Variants in TTK observed in about 807,000 individuals in gnomAD.
TTK encodes the protein dual specificity protein kinase TTK.
A neutral mutation model predicts 117.3 loss-of-function variants in TTK; 59 were observed. The observed-to-expected ratio is 0.50, with a 90% confidence interval of 0.41 to 0.62. The LOEUF (loss-of-function observed/expected upper bound fraction) is 0.62. Among genes scored for constraint, TTK ranks in the 20% least tolerant of loss-of-function variants. The pLI is 0.00. For missense variants in TTK, 921 were observed against 989.4 expected, an observed-to-expected ratio of 0.93 and a Z score of 0.93; for synonymous variants, 302 against 325.0, an observed-to-expected ratio of 0.93 and a Z score of 0.76.
chr6:80,024,242 A>T (rs1473614933), intron 11 of TTK, among the ~76,000 whole-genome samples: 1 of 152,226 alleles, frequency 6.6e-6, no homozygotes, highest in Non-Finnish European at 1.5e-5. Context: ...TGATCCAATA[A>T]TTCCACTCCT....
At position 80,010,844 on chromosome 6, in the gene TTK, A is replaced by C; in HGVS notation, c.500A>C (p.Gln167Pro). ...GTCAAAAAAAGTAAACAACTTCTTC[A>C]AAAAGCTGTAGAACGTGGAGCAGTA... ...GNVKKSKQLL[Q>P]KAVERGAVPL... The change falls in exon 5 of 22, where the codon CAA becomes CCA. Residue 167 changes from glutamine (Q) to proline (P), a missense_variant. By Grantham distance (76) the Gln-to-Pro change is moderately conservative. Transcript: ENST00000369798. The C allele has an allele frequency of 6.2e-7, 1 of 1,611,434 alleles. No individual in the cohort carries two copies.
intron 2 of TTK, 171 bp downstream of exon 2, chr6:80,006,153 C>G (rs1766989415): frequency 1.3e-6 from 1 of 791,512 alleles, no homozygotes. Context: ...ATCCACAGAA[C>G]TTTGAATGGT....
chr6:80,035,046 A>C lies in TTK; in HGVS notation c.1676A>C (p.Glu559Ala). Residue 559 changes from glutamate (E) to alanine (A), a missense_variant, in exon 15 of 22, where the codon GAA becomes GCA. Transcript: ENST00000369798. Reference protein sequence around the residue: ...IYAIKYVNLEEADNQTLDSYR... With the variant: ...IYAIKYVNLEAADNQTLDSYR... ...GCTATAAAATATGTGAACTTAGAAGAAGCAGATAACCAAACTCTTGATAGT... is the reference window on the plus strand; with the variant it reads ...GCTATAAAATATGTGAACTTAGAAGCAGCAGATAACCAAACTCTTGATAGT... 2 of 1,601,830 alleles carry C rather than the reference A, an allele frequency of 1.2e-6. No individual in the cohort carries two copies. Among genetic ancestry groups the C allele is most frequent in the Non-Finnish European group, 1.7e-6 (2 of 1,176,322 alleles).
chr6:80,006,917 G>A (rs1488542331), intron 2 of TTK, among the ~76,000 whole-genome samples: 1 of 152,124 alleles, frequency 6.6e-6, no homozygotes, highest in Non-Finnish European at 1.5e-5. Context: ...AGGCTTTGTT[G>A]AAAGTGACTG....
At chr6:80,036,037 C>G (rs1030679774) in intron 16 of TTK, among the ~76,000 whole-genome samples, 1 of 152,026 alleles carries the variant, frequency 6.6e-6, no homozygotes, top group Non-Finnish European at 1.5e-5. Flanking sequence ...GTGGAGATGT[C>G]AGGAGCATTA....
At chr6:80,007,499 C>A (rs532157083) in intron 2 of TTK, among the ~76,000 whole-genome samples, 92 of 152,116 alleles carry the variant, frequency 6.0e-4, no homozygotes, top group African/African-American at 2.2e-3. Context: ...TATCCTGCAA[C>A]AGCATAAAAT....
At position 80,011,801 on chromosome 6, in the gene TTK, G is replaced by C. The variant is rs1767165293; in HGVS notation, c.801G>C (p.Gln267His). The C allele has an allele frequency of 6.2e-7, 1 of 1,612,582 alleles. No individual in the cohort carries two copies. The highest frequency in any genetic ancestry group is 8.5e-7 in the Non-Finnish European group (1 of 1,179,096). ...NSLRQTNKTKQSCPFGRVPVN... is the reference protein window; with the variant it reads ...NSLRQTNKTKHSCPFGRVPVN... ...TGAGACAAACTAACAAAACTAAACA[G>C]GTAAGTTACTTTCAATCTGCTTGAT... The change falls in exon 7 of 22, where the codon CAG becomes CAC. Residue 267 changes from glutamine (Q) to histidine (H), a missense_variant and splice_region_variant. Coordinates refer to ENST00000369798, the MANE Select transcript of TTK (RefSeq NM_003318.5).
chr6:80,011,662 G>A lies in TTK; in HGVS notation c.729-67G>A, dbSNP rs1047252109. ...GTTTTCATGTGTGTGATAATGTTTA[G>A]CAGTAGAGTAGAAATACATATTAAT... On this transcript the variant is annotated intron_variant, in intron 6 of 21. Coordinates refer to ENST00000369798, the MANE Select transcript of TTK (RefSeq NM_003318.5). 18 of 1,572,970 alleles carry A rather than the reference G, an allele frequency of 1.1e-5. No homozygotes were observed. In the South Asian group the frequency reaches 1.8e-4, roughly 16 times the overall value.
At chr6:80,022,174 G>A (rs1297153007) in intron 10 of TTK, 150 bp from the exon 11 acceptor site, 1 of 784,230 alleles carries the variant, frequency 1.3e-6, no homozygotes, top group Non-Finnish European at 1.9e-6. Context: ...AAATTGTTAA[G>A]CAGCTGGCTT....
intron 14 of TTK, 120 bp downstream of exon 14, chr6:80,031,679 C>A: frequency 1.6e-6 from 1 of 615,852 alleles, no homozygotes; most frequent in Non-Finnish European, 2.6e-6. Flanking sequence ...GCCCTTGAGC[C>A]AAAAAGCCAT....
intron 14 of TTK, among the ~76,000 whole-genome samples, chr6:80,032,957 C>A (rs1195297245): frequency 6.6e-6 from 1 of 151,962 alleles, no homozygotes. Flanking sequence ...TCTATTACCT[C>A]AATTATTTGT....
chr6:80,037,255 G>A lies in TTK; in HGVS notation c.2049+656G>A, dbSNP rs533630579. Among the ~76,000 whole-genome samples the A allele has an allele frequency of 5.9e-5, 9 of 152,172 alleles. No homozygotes were observed. The East Asian group carries it at 1.7e-3, about 29-fold the overall frequency. On this transcript the variant is annotated intron_variant, in intron 17 of 21. Transcript: ENST00000369798. Reference sequence around the variant, plus strand: ...AGGAGTAAAATAGACTTTGTTAGGAGGAATGATGGACGACATGCCCTATTT... The same window carrying A: ...AGGAGTAAAATAGACTTTGTTAGGAAGAATGATGGACGACATGCCCTATTT...
At position 80,035,409 on chromosome 6, in the gene TTK, A is replaced by T. The variant is rs756952502; in HGVS notation, c.1916A>T (p.His639Leu). 1 of 1,602,114 alleles carries T rather than the reference A, an allele frequency of 6.2e-7. No homozygotes were observed. Among genetic ancestry groups the T allele is most frequent in the South Asian group, 1.1e-5 (1 of 88,090 alleles). Residue 639 changes from histidine (H) to leucine (L), a missense_variant, in exon 16 of 22, where the codon CAT becomes CTT. His to Leu is a moderately conservative substitution (Grantham distance 99). Transcript: ENST00000369798. ...ATGTTAGAGGCAGTTCACACAATCC[A>T]TCAACATGGTATTTAACAGTTTTTT... ...KNMLEAVHTIHQHGIVHSDLK... is the reference protein window; with the variant it reads ...KNMLEAVHTILQHGIVHSDLK...
At chr6:80,041,382 A>C (rs766987695) in intron 21 of TTK, among the ~76,000 whole-genome samples, 30 of 151,810 alleles carry the variant, frequency 2.0e-4, no homozygotes, top group Admixed American at 1.6e-3. Flanking sequence ...GGAATTTACT[A>C]TATATTCACT....
chr6:80,034,647 A>G (rs151665), intron 14 of TTK, among the ~76,000 whole-genome samples: 93,906 of 151,958 alleles, frequency 0.62, 29,470 homozygotes, highest in Admixed American at 0.73. Context: ...CATTTTGGAA[A>G]GTCTTTTTCT....
At chr6:80,024,310 A>G (rs1301471692) in intron 11 of TTK, among the ~76,000 whole-genome samples, 1 of 152,256 alleles carries the variant, frequency 6.6e-6, no homozygotes, top group Non-Finnish European at 1.5e-5. Flanking sequence ...GTACATAAAT[A>G]TTCATAGCAG....
chr6:80,041,386 A>T (rs949036151), intron 21 of TTK, among the ~76,000 whole-genome samples: 18 of 151,766 alleles, frequency 1.2e-4, no homozygotes, highest in Admixed American at 2.6e-4. Flanking sequence ...TTTACTATAT[A>T]TTCACTATAT....
chr6:80,008,314 T>C, intron 3 of TTK, 72 bp from the exon 4 acceptor site: 2 of 1,436,972 alleles, frequency 1.4e-6, no homozygotes, highest in South Asian at 1.3e-5. Flanking sequence ...TTTGGAAAAT[T>C]GAATGAAGCA....
At chr6:80,022,080 G>T (rs1250457108) in intron 10 of TTK, among the ~76,000 whole-genome samples, 1 of 152,162 alleles carries the variant, frequency 6.6e-6, no homozygotes, top group Non-Finnish European at 1.5e-5. Flanking sequence ...GCATTTAAAT[G>T]TGGCAAGGTC....
Sources: allele counts gnomAD v4.1 joint callset (sites outside exome capture counted in the v4.1 genomes callset), GRCh38; gene constraint gnomAD v4.1.1; transcripts MANE v1.5; gene names NCBI Gene and HGNC (gene_info 2026-07-23, HGNC 2026-07-21).